TMEM135: variants seen among roughly 807,000 people sequenced by gnomAD.
TMEM135 encodes peroxisomal membrane protein 52.
TMEM135 carries 30 observed loss-of-function variants against 60.3 expected under a neutral mutation model. That is an observed-to-expected ratio of 0.50 (90% confidence interval 0.37 to 0.68). The LOEUF is 0.68. Among genes scored for constraint, TMEM135 ranks in the 30% least tolerant of loss-of-function variants. The pLI is 0.00. For synonymous variants in TMEM135, 190 were observed against 186.7 expected, an observed-to-expected ratio of 1.02 and a Z score of -0.14; for missense variants, 468 against 548.8, an observed-to-expected ratio of 0.85 and a Z score of 1.47.
chr11:87,321,360 T>A lies in TMEM135; in HGVS notation c.*27T>A. 6.2e-6 allele frequency: 10 copies of A among 1,612,584 alleles called. No homozygotes were observed. The highest frequency in any genetic ancestry group is 8.5e-6 in the Non-Finnish European group (10 of 1,178,858). ...GATGACTGTAACTTATTAATGTGAC[T>A]AAATGTTTCATCTTGAAGAGTTAAT... On this transcript the variant is annotated 3_prime_UTR_variant, in exon 15 of 15. Transcript: ENST00000305494.
chr11:87,226,415 T>C (rs1249318003), intron 5 of TMEM135, among the ~76,000 whole-genome samples: 1 of 152,220 alleles, frequency 6.6e-6, no homozygotes, highest in Non-Finnish European at 1.5e-5. Flanking sequence ...GATTTTTCCA[T>C]ATGTAAATCT....
rs969143876 is a variant in TMEM135, at chr11:87,321,955, T to C, written c.*622T>C. The C allele has an allele frequency of 1.1e-5, 5 of 454,314 alleles. No individual in the cohort carries two copies. Among genetic ancestry groups the C allele is most frequent in the African/African-American group, 1.0e-4 (5 of 49,984 alleles). 28.1% of individuals were successfully genotyped at this position (454,314 alleles called of 1,614,324 possible). A position where few individuals can be genotyped will look rare whatever the true frequency, so the allele number is the denominator to read the frequency against. ...AATGTCGTGGTATCCATGCTTTTTTTCAACTAATAACATCATCTCTCTTCA... is the reference window on the plus strand; with the variant it reads ...AATGTCGTGGTATCCATGCTTTTTTCCAACTAATAACATCATCTCTCTTCA... On this transcript the variant is annotated 3_prime_UTR_variant, in exon 15 of 15. Transcript: ENST00000305494.
At chr11:87,132,912 C>T (rs769765321) in intron 4 of TMEM135, among the ~76,000 whole-genome samples, 2 of 152,054 alleles carry the variant, frequency 1.3e-5, no homozygotes, top group African/African-American at 2.4e-5. Flanking sequence ...AAAACAAAGC[C>T]GTTATAACAA....
rs1337190486 is a variant in TMEM135 at position 87,326,573 on chromosome 11, A to C, written c.*5240A>C. 2 of 454,096 alleles carry C rather than the reference A, an allele frequency of 4.4e-6. No individual in the cohort carries two copies. The highest frequency in any genetic ancestry group is 3.1e-5 in the South Asian group (2 of 64,482). The allele number at this position is 454,096 out of a possible 1,614,324, so 28.1% of individuals were successfully genotyped here. A position where few individuals can be genotyped will look rare whatever the true frequency, so the allele number is the denominator to read the frequency against. ...GATGCCAAAAGGAATGGGAGAGAAG[A>C]GACTATAAACATATTTTAAGCCTTA... On this transcript the variant is annotated 3_prime_UTR_variant, in exon 15 of 15. Coordinates refer to ENST00000305494, the MANE Select transcript of TMEM135 (RefSeq NM_022918.4).
intron 4 of TMEM135, among the ~76,000 whole-genome samples, chr11:87,141,126 T>G (rs1196770744): frequency 6.6e-6 from 1 of 152,108 alleles, no homozygotes; most frequent in Non-Finnish European, 1.5e-5. Flanking sequence ...TGTCATTTTC[T>G]GCAAAAATGC....
chr11:87,289,160 T>C (rs2135427885), intron 6 of TMEM135, among the ~76,000 whole-genome samples: 1 of 152,326 alleles, frequency 6.6e-6, no homozygotes, highest in East Asian at 1.9e-4. Context: ...GTAATGTATT[T>C]TATCTTTTAA....
chr11:87,166,170 G>A (rs1043743384), intron 5 of TMEM135, among the ~76,000 whole-genome samples: 1 of 151,566 alleles, frequency 6.6e-6, no homozygotes, highest in African/African-American at 2.4e-5. Context: ...TGATGGGGCT[G>A]TTTGTTTTTT....
At chr11:87,248,670 A>T (rs1372014023) in intron 6 of TMEM135, among the ~76,000 whole-genome samples, 2 of 151,928 alleles carry the variant, frequency 1.3e-5, no homozygotes, top group African/African-American at 4.8e-5. Flanking sequence ...TGACATTTTG[A>T]TCAGATTGTA....
At position 87,302,335 on chromosome 11, in the gene TMEM135, T is replaced by G; in HGVS notation, c.591T>G (p.Phe197Leu). Residue 197 changes from phenylalanine to leucine, a missense_variant, in exon 8 of 15, where the codon TTT (phenylalanine) becomes TTG (leucine). Transcript: ENST00000305494. ...VGKEEIPTHS[F>L]SPEAAYAKVE... The stretch of plus-strand genomic sequence containing the variant: ...AGGAAGAAATTCCCACACATTCTTT[T>G]TCACCAGAGGCAGCATATGCAAAAG... The G allele has an allele frequency of 6.2e-7, 1 of 1,613,890 alleles. No homozygotes were observed. The highest frequency in any genetic ancestry group is 8.5e-7 in the Non-Finnish European group (1 of 1,179,926).
chr11:87,148,087 A>T (rs1938463330), intron 4 of TMEM135, among the ~76,000 whole-genome samples: 1 of 152,222 alleles, frequency 6.6e-6, no homozygotes, highest in Non-Finnish European at 1.5e-5. Flanking sequence ...GACATTGTAG[A>T]CAGTTATTTC....
At chr11:87,171,067 G>C (rs1458321531) in intron 5 of TMEM135, among the ~76,000 whole-genome samples, 2 of 152,092 alleles carry the variant, frequency 1.3e-5, no homozygotes, top group Non-Finnish European at 2.9e-5. Flanking sequence ...AGGCCAAAAG[G>C]CTTTGCCAGT....
At chr11:87,281,959 A>G (rs150396607) in intron 6 of TMEM135, among the ~76,000 whole-genome samples, 4 of 152,326 alleles carry the variant, frequency 2.6e-5, no homozygotes, top group East Asian at 1.9e-4. Flanking sequence ...AAAGGCATTG[A>G]CATTTTGTTA....
chr11:87,112,088 TA>T (rs1485179749), intron 4 of TMEM135, among the ~76,000 whole-genome samples: 1 of 152,170 alleles, frequency 6.6e-6, no homozygotes, highest in African/African-American at 2.4e-5. Flanking sequence ...ATGATTGTTT[TA>T]TTTATGGTTT....
intron 12 of TMEM135, among the ~76,000 whole-genome samples, chr11:87,315,359 A>G (rs939105923): frequency 2.6e-5 from 4 of 151,930 alleles, no homozygotes; most frequent in African/African-American, 9.7e-5. Flanking sequence ...TTCAGGTTTA[A>G]ATTTTTGTAG....
At chr11:87,255,096 A>G (rs1941497483) in intron 6 of TMEM135, among the ~76,000 whole-genome samples, 1 of 151,704 alleles carries the variant, frequency 6.6e-6, no homozygotes, top group African/African-American at 2.4e-5. Flanking sequence ...TTTCTTCTCC[A>G]TTTCTCCCCC....
At chr11:87,128,110 T>A (rs368598374) in intron 4 of TMEM135, among the ~76,000 whole-genome samples, 1 of 152,222 alleles carries the variant, frequency 6.6e-6, no homozygotes, top group Admixed American at 6.5e-5. Context: ...GACATTGCTA[T>A]AGATAATAGT....
At chr11:87,307,546 GA>G (rs1164228150) in intron 9 of TMEM135, among the ~76,000 whole-genome samples, 194 of 152,148 alleles carry the variant, frequency 1.3e-3, no homozygotes, top group African/African-American at 4.5e-3. Context: ...TTGGCGTGGG[GA>G]AGGTGATATT....
chr11:87,086,099 C>T (rs1857089825), intron 3 of TMEM135, among the ~76,000 whole-genome samples: 1 of 152,118 alleles, frequency 6.6e-6, no homozygotes, highest in African/African-American at 2.4e-5. Context: ...TTAATTGGCC[C>T]TCCCTTGTCC....
intron 6 of TMEM135, among the ~76,000 whole-genome samples, chr11:87,244,792 A>C (rs2135383077): frequency 8.1e-6 from 1 of 123,112 alleles, no homozygotes; most frequent in Middle Eastern, 3.8e-3. Flanking sequence ...TGATCCTTTC[A>C]AAGAACCAGC....
Sources: allele counts gnomAD v4.1 joint callset (sites outside exome capture counted in the v4.1 genomes callset), GRCh38; gene constraint gnomAD v4.1.1; transcripts MANE v1.5; gene names NCBI Gene and HGNC (gene_info 2026-07-23, HGNC 2026-07-21).